Variants in DNAH11 observed in about 807,000 individuals in gnomAD.
DNAH11 encodes dynein axonemal heavy chain 11, also known as axonemal beta dynein heavy chain 11.
Under a neutral mutation model 526.0 loss-of-function variants are expected in DNAH11, and 442 were observed. The ratio of observed to expected loss-of-function variants is 0.84; its 90% CI spans 0.78 to 0.91. The LOEUF is 0.91. Ranked by LOEUF, DNAH11 falls within the 40% of genes least tolerant of loss-of-function variation. The pLI, the probability that DNAH11 is intolerant of heterozygous loss-of-function variation, is 0.00. For synonymous variants in DNAH11, 2,461 were observed against 1,935.9 expected (o/e 1.27, Z -7.12); for missense variants, 6,989 against 5,448.7 (o/e 1.28, Z -8.90).
intron 73 of DNAH11, among the ~76,000 whole-genome samples, chr7:21,871,486 A>C (rs1583795678): frequency 6.6e-6 from 1 of 152,212 alleles, no homozygotes; most frequent in South Asian, 2.1e-4. Flanking sequence ...AGTGACTCCA[A>C]AGTCACTACC....
At chr7:21,709,022 T>A (rs1276666761) in intron 40 of DNAH11, among the ~76,000 whole-genome samples, 1 of 152,136 alleles carries the variant, frequency 6.6e-6, no homozygotes, top group Admixed American at 6.6e-5. Flanking sequence ...GTTTGGAGAT[T>A]TCTCAAAAAA....
intron 76 of DNAH11, among the ~76,000 whole-genome samples, chr7:21,885,171 T>TGTAAAAA (rs1784081235): frequency 8.7e-6 from 1 of 114,588 alleles, no homozygotes; most frequent in Non-Finnish European, 1.7e-5. Context: ...AAATGAACTA[T>TGTAAAAA]AAAAAAAAAA....
At chr7:21,630,196 A>C (rs1345343406) in intron 25 of DNAH11, among the ~76,000 whole-genome samples, 1 of 152,096 alleles carries the variant, frequency 6.6e-6, no homozygotes, top group Non-Finnish European at 1.5e-5. Flanking sequence ...AAAATGAAGA[A>C]GAAACTCCAT....
At chr7:21,708,636 C>G (rs1451792130) in intron 40 of DNAH11, among the ~76,000 whole-genome samples, 1 of 152,154 alleles carries the variant, frequency 6.6e-6, no homozygotes, top group Non-Finnish European at 1.5e-5. Flanking sequence ...GCCCCCGTCC[C>G]CAAATCCCAC....
intron 53 of DNAH11, 105 bp downstream of exon 53, chr7:21,749,906 G>A (rs1040391570): frequency 3.3e-6 from 5 of 1,536,566 alleles, no homozygotes; most frequent in Non-Finnish European, 3.5e-6. Flanking sequence ...ATGTTTGCTG[G>A]GCAGTCTTTG....
chr7:21,878,832 T>G (rs578258787), intron 74 of DNAH11, among the ~76,000 whole-genome samples: 3 of 152,314 alleles, frequency 2.0e-5, no homozygotes, highest in Admixed American at 1.3e-4. Flanking sequence ...CTACTCACAC[T>G]GGTTCTACAT....
In DNAH11 at chr7:21,600,712, A is replaced by G. The variant is rs774600269; in HGVS notation, c.3037A>G (p.Arg1013Gly). ...MDNMLGLAEV[R>G]QEIMNRVVNV... ...TAACATGTTAGGCCTGGCAGAGGTC[A>G]GGCAGGAGATCATGAACAGAGTGGT... Residue 1013 changes from arginine (R) to glycine (G), a missense_variant, in exon 16 of 82, where the codon AGG becomes GGG. Transcript: ENST00000409508. 10 of 1,613,372 alleles carry G rather than the reference A, an allele frequency of 6.2e-6. No homozygotes were observed. Among genetic ancestry groups the G allele is most frequent in the Non-Finnish European group, 1.7e-6 (2 of 1,179,608 alleles).
chr7:21,706,734 C>G lies in DNAH11; in HGVS notation c.6547-965C>G, dbSNP rs571736578. 1.7e-3 allele frequency among the ~76,000 whole-genome samples: 258 copies of G among 152,294 alleles called. 2 individuals are homozygous for G. The highest frequency in any genetic ancestry group is 0.014 in the Middle Eastern group (4 of 294). ...CCGAGATACCCGGAACACTGCAGCT[C>G]AGGGTGACGTTCTTTAGCATCTTAT... On this transcript the variant is annotated intron_variant, in intron 39 of 81. Coordinates refer to ENST00000409508, the MANE Select transcript of DNAH11 (RefSeq NM_001277115.2).
At position 21,564,411 on chromosome 7, in the gene DNAH11, A is replaced by G. The variant is rs764558418; in HGVS notation, c.1194+14A>G. The G allele has an allele frequency of 1.3e-6, 2 of 1,590,306 alleles. No individual in the cohort carries two copies. The highest frequency in any genetic ancestry group is 4.5e-5 in the East Asian group (2 of 44,680). On this transcript the variant is annotated intron_variant, in intron 6 of 81. Transcript: ENST00000409508. The stretch of plus-strand genomic sequence containing the variant: ...TTCATTAACCAGGTATGAAGCATCA[A>G]AAAACAGGAACAATAAGAATTGTTG...
chr7:21,720,926 A>T (rs568509498), intron 44 of DNAH11, 70 bp downstream of exon 44: 97 of 1,557,766 alleles, frequency 6.2e-5, no homozygotes, highest in Non-Finnish European at 8.3e-5. Context: ...GGAGGTTAAA[A>T]CATGTGATCT....
In DNAH11 at chr7:21,773,839, A is replaced by G; in HGVS notation, c.9176A>G (p.Tyr3059Cys). 6.2e-7 allele frequency: 1 copy of G among 1,609,142 alleles called. No homozygotes were observed. The highest frequency in any genetic ancestry group is 1.1e-5 in the South Asian group (1 of 89,578). Residue 3059 changes from tyrosine to cysteine, a missense_variant, in exon 56 of 82, where the codon TAT becomes TGT. Coordinates refer to ENST00000409508, the MANE Select transcript of DNAH11 (RefSeq NM_001277115.2). ...ACTGTAAATGAAATGAGTACCAGAT[A>G]TTACCAGAATGAGAGAAGACACAAC... Reference protein sequence around the residue: ...HTTVNEMSTRYYQNERRHNYT... With the variant: ...HTTVNEMSTRCYQNERRHNYT...
chr7:21,687,673 G>C (rs575724903), intron 34 of DNAH11, 146 bp downstream of exon 34: 2 of 1,017,100 alleles, frequency 2.0e-6, no homozygotes, highest in African/African-American at 1.6e-5. Context: ...GAATTATTTT[G>C]AATAGTCTCC....
intron 66 of DNAH11, among the ~76,000 whole-genome samples, chr7:21,845,654 G>T (rs367593253): frequency 6.6e-6 from 1 of 152,116 alleles, no homozygotes; most frequent in Non-Finnish European, 1.5e-5. Flanking sequence ...AAGCCAAGTA[G>T]TGTCAATTCT....
chr7:21,700,764 G>A (rs1258007807), intron 36 of DNAH11, among the ~76,000 whole-genome samples: 9 of 152,150 alleles, frequency 5.9e-5, no homozygotes, highest in Non-Finnish European at 1.3e-4. Context: ...ATACACCATG[G>A]AATACTATGC....
intron 62 of DNAH11, among the ~76,000 whole-genome samples, chr7:21,805,899 C>T (rs1482204288): frequency 6.6e-6 from 1 of 152,138 alleles, no homozygotes; most frequent in African/African-American, 2.4e-5. Context: ...AACATCAAGA[C>T]TGATGATTTT....
chr7:21,831,083 A>C (rs1400974255), intron 65 of DNAH11, among the ~76,000 whole-genome samples: 9 of 152,260 alleles, frequency 5.9e-5, no homozygotes, highest in Admixed American at 5.2e-4. Context: ...GGCCAGTGTA[A>C]TTTGTTCCTG....
At chr7:21,590,064 A>G (rs570907040) in intron 12 of DNAH11, among the ~76,000 whole-genome samples, 6 of 152,270 alleles carry the variant, frequency 3.9e-5, no homozygotes, top group Admixed American at 2.0e-4. Context: ...TTGTTAATGC[A>G]TGGTAAGTCA....
intron 25 of DNAH11, among the ~76,000 whole-genome samples, chr7:21,628,243 C>G (rs1292489299): frequency 1.3e-5 from 2 of 151,930 alleles, no homozygotes; most frequent in African/African-American, 4.8e-5. Context: ...GAGAACAAGG[C>G]TAATTTGACT....
At chr7:21,789,808 T>TCTTTCTTTCTTTCTTTCTTTC in intron 61 of DNAH11, among the ~76,000 whole-genome samples, 3 of 34,084 alleles carry the variant, frequency 8.8e-5, no homozygotes, top group African/African-American at 1.6e-4. Flanking sequence ...TTTCTTTCTT[T>TCTTTCTTTCTTTCTTTCTTTC]TTTCTTTCTT....
Sources: gnomAD v4.1 joint callset for allele counts (sites outside exome capture counted in the v4.1 genomes callset) on GRCh38, gnomAD v4.1.1 for gene constraint, MANE v1.5 for transcripts, NCBI Gene and HGNC (gene_info 2026-07-23, HGNC 2026-07-21) for gene names.